Variants in EPC1 observed in about 807,000 individuals in gnomAD.
EPC1 encodes the protein enhancer of polycomb homolog 1.
In EPC1, 12 loss-of-function variants were observed where a neutral mutation model predicts 98.4. The ratio of observed to expected loss-of-function variants is 0.12; its 90% CI spans 0.08 to 0.20. The LOEUF (loss-of-function observed/expected upper bound fraction) is 0.20. Among genes scored for constraint, EPC1 ranks in the 10% least tolerant of loss-of-function variants. The probability of loss-of-function intolerance (pLI) is 1.00; values close to 1 mark genes in which losing one functional copy is unlikely to be tolerated. For missense variants in EPC1, 729 were observed against 990.5 expected, an observed-to-expected ratio of 0.74 and a Z score of 3.54; for synonymous variants, 357 against 363.9, an observed-to-expected ratio of 0.98 and a Z score of 0.21.
At chr10:32,285,170 C>T in intron 9 of EPC1, 120 bp from the exon 10 acceptor site, 4 of 696,348 alleles carry the variant, frequency 5.7e-6, no homozygotes, top group Non-Finnish European at 6.9e-6. Context: ...TATTTAAAAG[C>T]TTTAAAGTTG....
intron 10 of EPC1, among the ~76,000 whole-genome samples, chr10:32,279,069 G>C (rs962997373): frequency 2.6e-5 from 4 of 152,106 alleles, no homozygotes; most frequent in Admixed American, 2.6e-4. Context: ...AAAATTCTGA[G>C]GCTGGGCGCA....
At chr10:32,341,786 T>G (rs1242306261) in intron 1 of EPC1, among the ~76,000 whole-genome samples, 4 of 152,216 alleles carry the variant, frequency 2.6e-5, no homozygotes, top group African/African-American at 4.8e-5. Flanking sequence ...TAAGTCTATT[T>G]AGTAACTGCC....
chr10:32,316,724 G>GC (rs1283241576), intron 1 of EPC1, among the ~76,000 whole-genome samples: 1 of 152,126 alleles, frequency 6.6e-6, no homozygotes, highest in Non-Finnish European at 1.5e-5. Flanking sequence ...TTGATGGGGG[G>GC]CTGAGTTATG....
intron 1 of EPC1, chr10:32,345,225 T>C: frequency 2.0e-6 from 2 of 985,378 alleles, no homozygotes; most frequent in South Asian, 4.7e-5. Flanking sequence ...TAGTGTCTCA[T>C]GAGACAATGT....
chr10:32,339,934 G>A (rs1233440359), intron 1 of EPC1, among the ~76,000 whole-genome samples: 2 of 152,078 alleles, frequency 1.3e-5, no homozygotes, highest in South Asian at 2.1e-4. Flanking sequence ...GATGCTCAGA[G>A]GATATACAAT....
rs114490861 is a variant in EPC1 at position 32,345,339 on chromosome 10, T to G, written c.153+1424A>C. On this transcript the variant is annotated intron_variant, in intron 1 of 13. Transcript: ENST00000319778. ...TACTCTCAAAAGTAACATTTCACTG[T>G]CACAGCTATTTCACTTTAAAAGGTT... The G allele has an allele frequency of 7.4e-4, 725 of 985,442 alleles. 1 individual carries two copies. In the African/African-American group the frequency reaches 0.012, roughly 16 times the overall value. 61.0% of individuals were successfully genotyped at this position (985,442 alleles called of 1,614,324 possible).
Position 32,287,079 on chromosome 10 carries a change from T to C in EPC1, c.1152+19A>G, listed in dbSNP as rs146683875. Reference sequence around the variant, plus strand: ...TTCCTACATCCCTCCTCAATGTTCATAGAGAATTGTATTTGTACCTGGGAG... The same window carrying C: ...TTCCTACATCCCTCCTCAATGTTCACAGAGAATTGTATTTGTACCTGGGAG... On this transcript the variant is annotated intron_variant, in intron 7 of 13. Coordinates refer to ENST00000319778, the MANE Select transcript of EPC1 (RefSeq NM_001272004.3). 4,465 of 1,613,976 alleles carry C rather than the reference T, an allele frequency of 2.8e-3. 7 individuals are homozygous for C. The highest frequency in any genetic ancestry group is 3.1e-3 in the Non-Finnish European group (3,681 of 1,179,920).
chr10:32,345,057 TG>T (rs1838669721), intron 1 of EPC1: 5 of 804,398 alleles, frequency 6.2e-6, no homozygotes, highest in Non-Finnish European at 7.5e-6. Context: ...CCCCAATACT[TG>T]AAAGTATTAT....
At chr10:32,324,395 G>A (rs1837133323) in intron 1 of EPC1, among the ~76,000 whole-genome samples, 1 of 151,320 alleles carries the variant, frequency 6.6e-6, no homozygotes, top group African/African-American at 2.4e-5. Flanking sequence ...TCTCTGCGTG[G>A]TGGCGGGTGC....
At chr10:32,272,954 C>T in intron 11 of EPC1, 1 of 1,414,840 alleles carries the variant, frequency 7.1e-7, no homozygotes, top group Admixed American at 1.8e-5. Flanking sequence ...TCTCATTTAA[C>T]TAAGTGCTTT....
chr10:32,338,695 C>G (rs1838130808), intron 1 of EPC1, among the ~76,000 whole-genome samples: 1 of 152,190 alleles, frequency 6.6e-6, no homozygotes. Context: ...TACCACCACT[C>G]AAGTTTCAGG....
intron 11 of EPC1, among the ~76,000 whole-genome samples, chr10:32,272,832 T>C (rs962414167): frequency 3.3e-5 from 5 of 152,240 alleles, no homozygotes; most frequent in South Asian, 2.1e-4. Flanking sequence ...TTTTGCATAA[T>C]GTTAAAAGCC....
rs535369409 is a variant in EPC1, at chr10:32,327,796, C to T, written c.153+18967G>A. ...ATTTGTGGATCTAAGCATATCTAAACATGGAAAAGGTACAGTAAGAATATG... is the reference window on the plus strand; with the variant it reads ...ATTTGTGGATCTAAGCATATCTAAATATGGAAAAGGTACAGTAAGAATATG... On this transcript the variant is annotated intron_variant, in intron 1 of 13. Coordinates refer to ENST00000319778, the MANE Select transcript of EPC1 (RefSeq NM_001272004.3). Among the ~76,000 whole-genome samples the T allele has an allele frequency of 3.9e-5, 6 of 152,260 alleles. No individual in the cohort carries two copies. The South Asian group carries it at 1.2e-3, about 32-fold the overall frequency.
chr10:32,350,083 T>C (rs1220244570), upstream of EPC1, among the ~76,000 whole-genome samples: 3 of 152,256 alleles, frequency 2.0e-5, no homozygotes, highest in Non-Finnish European at 2.9e-5. Context: ...ATTCCTTCTT[T>C]TTCTAAGTAT....
At chr10:32,364,622 A>T (rs921748343) in intron 1 of EPC1, among the ~76,000 whole-genome samples, 3 of 152,116 alleles carry the variant, frequency 2.0e-5, no homozygotes, top group African/African-American at 7.2e-5. Context: ...TCAACTCTCA[A>T]ATTTTATTAT....
chr10:32,370,696 G>A (rs975864521), intron 1 of EPC1, among the ~76,000 whole-genome samples: 4 of 152,154 alleles, frequency 2.6e-5, no homozygotes, highest in Non-Finnish European at 4.4e-5. Flanking sequence ...TGTGCTGTCC[G>A]ATATGGTAGC....
chr10:32,363,442 CCT>C (rs950107326), intron 1 of EPC1, among the ~76,000 whole-genome samples: 1 of 108,090 alleles, frequency 9.3e-6, no homozygotes, highest in Non-Finnish European at 2.4e-5. Context: ...GTCAGTTGCC[CCT>C]GAGTATCCTG....
chr10:32,337,304 GT>G lies in EPC1; in HGVS notation c.153+9458del, dbSNP rs1289689511. ...CCTTTCCATTCTGGTTAGTGGGAAT[GT>G]GTAGCACAGTCTCAGCCCTATGAGC... On this transcript the variant is annotated intron_variant, in intron 1 of 13. Transcript: ENST00000319778. 4.6e-5 allele frequency among the ~76,000 whole-genome samples: 7 copies of G among 152,336 alleles called. No individual in the cohort carries two copies. The East Asian group carries it at 7.7e-4, about 17-fold the overall frequency.
At chr10:32,366,346 C>A (rs563053301) in intron 1 of EPC1, among the ~76,000 whole-genome samples, 3 of 152,104 alleles carry the variant, frequency 2.0e-5, no homozygotes, top group Non-Finnish European at 4.4e-5. Flanking sequence ...CACAAGCAGG[C>A]ACACCCTGCT....
Sources: gnomAD v4.1 joint callset for allele counts (sites outside exome capture counted in the v4.1 genomes callset) on GRCh38, gnomAD v4.1.1 for gene constraint, MANE v1.5 for transcripts, NCBI Gene and HGNC (gene_info 2026-07-23, HGNC 2026-07-21) for gene names.